PPP3CC: variants seen among roughly 807,000 people sequenced by gnomAD.
The protein encoded by PPP3CC is protein phosphatase 3 catalytic subunit gamma, also known as serine/threonine-protein phosphatase 2B catalytic subunit gamma isoform.
Under a neutral mutation model 60.3 loss-of-function variants are expected in PPP3CC, and 35 were observed. That is an observed-to-expected ratio of 0.58 (90% CI 0.44 to 0.77). The LOEUF (loss-of-function observed/expected upper bound fraction) is 0.77, where lower values mean the gene tolerates loss of function less well. Ranked by LOEUF, PPP3CC falls within the 30% of genes least tolerant of loss-of-function variation. The pLI is 0.00. For missense variants in PPP3CC, 570 were observed against 628.9 expected (o/e 0.91, Z 1.00); for synonymous variants, 206 against 224.3 (o/e 0.92, Z 0.73).
At chr8:22,528,747 C>T (rs550573081) in intron 10 of PPP3CC, among the ~76,000 whole-genome samples, 170 bp downstream of exon 10, 1 of 152,220 alleles carries the variant, frequency 6.6e-6, no homozygotes, top group South Asian at 2.1e-4. Context: ...AAAAAAGTCA[C>T]CCATAATCCC....
chr8:22,460,272 A>C (rs1032372325), intron 1 of PPP3CC, among the ~76,000 whole-genome samples: 1 of 152,202 alleles, frequency 6.6e-6, no homozygotes, highest in Non-Finnish European at 1.5e-5. Context: ...CAGAATGTTT[A>C]CAATCAATAC....
chr8:22,508,603 T>C (rs1838994449), intron 4 of PPP3CC, among the ~76,000 whole-genome samples: 1 of 152,226 alleles, frequency 6.6e-6, no homozygotes, highest in Admixed American at 6.5e-5. Context: ...TTTTGAGTCA[T>C]TCTTGGGATT....
chr8:22,509,756 C>CA lies in PPP3CC; in HGVS notation c.485-1329dup, dbSNP rs138786060. Among the ~76,000 whole-genome samples, 330 of 152,274 alleles carry CA rather than the reference C, an allele frequency of 2.2e-3. 2 individuals are homozygous for CA. Among genetic ancestry groups the CA allele is most frequent in the African/African-American group, 7.8e-3 (323 of 41,550 alleles). On this transcript the variant is annotated intron_variant, in intron 4 of 13. Coordinates refer to ENST00000240139, the MANE Select transcript of PPP3CC (RefSeq NM_005605.5). The stretch of plus-strand genomic sequence containing the variant: ...TCACTCTGTTGCTCAGGCTGGAGTG[C>CA]AGTGACACTATCGTAGTTCACTGCA...
At chr8:22,481,100 G>A (rs1446453875) in intron 3 of PPP3CC, among the ~76,000 whole-genome samples, 4 of 152,076 alleles carry the variant, frequency 2.6e-5, no homozygotes, top group African/African-American at 9.7e-5. Flanking sequence ...TGGGGAGGCC[G>A]AGGCAGGTGG....
chr8:22,470,716 G>C (rs1837696375), intron 1 of PPP3CC, among the ~76,000 whole-genome samples: 1 of 152,212 alleles, frequency 6.6e-6, no homozygotes, highest in Admixed American at 6.5e-5. Context: ...AGAGATACCG[G>C]TAGACGTTCA....
chr8:22,524,718 C>T (rs1292067214), intron 8 of PPP3CC, among the ~76,000 whole-genome samples: 1 of 152,140 alleles, frequency 6.6e-6, no homozygotes, highest in African/African-American at 2.4e-5. Flanking sequence ...ATTGATTGCT[C>T]AATGGATTTA....
At chr8:22,494,856 T>G (rs1025370842) in intron 3 of PPP3CC, among the ~76,000 whole-genome samples, 18 of 152,232 alleles carry the variant, frequency 1.2e-4, no homozygotes, top group African/African-American at 4.3e-4. Flanking sequence ...TTCCTGCATT[T>G]TTTATGTACA....
intron 1 of PPP3CC, among the ~76,000 whole-genome samples, chr8:22,465,013 A>G (rs931904038): frequency 2.0e-5 from 3 of 147,404 alleles, no homozygotes; most frequent in African/African-American, 7.6e-5. Context: ...GCTGGAATGC[A>G]GTGGTGCTAT....
intron 6 of PPP3CC, among the ~76,000 whole-genome samples, chr8:22,519,144 C>T (rs1839336846): frequency 6.6e-6 from 1 of 152,176 alleles, no homozygotes; most frequent in Non-Finnish European, 1.5e-5. Flanking sequence ...TTTGTTCCCT[C>T]TTGTGATGAT....
chr8:22,533,118 G>C (rs1438616837), intron 12 of PPP3CC, 100 bp downstream of exon 12: 2 of 853,408 alleles, frequency 2.3e-6, no homozygotes, highest in Non-Finnish European at 3.4e-6. Context: ...TGCCACGAGA[G>C]CAGTTGGTTA....
chr8:22,474,929 A>AATT (rs750932634), intron 1 of PPP3CC, 25 bp from the exon 2 acceptor site: 2 of 1,358,736 alleles, frequency 1.5e-6, no homozygotes, highest in Non-Finnish European at 2.0e-6. Flanking sequence ...AAATATTTTA[A>AATT]ATTATTATTA....
intron 12 of PPP3CC, 37 bp downstream of exon 12, chr8:22,533,055 C>T (rs767069099): frequency 6.9e-7 from 1 of 1,441,502 alleles, no homozygotes; most frequent in East Asian, 2.5e-5. Flanking sequence ...AAGGTGTGCT[C>T]CCGTTACCTA....
At chr8:22,510,996 TA>T in intron 4 of PPP3CC, 89 bp from the exon 5 acceptor site, 1 of 1,358,202 alleles carries the variant, frequency 7.4e-7, no homozygotes, top group Non-Finnish European at 1.0e-6. Flanking sequence ...TAAATGGCTC[TA>T]AAGTAGCTTC....
At chr8:22,485,590 G>A (rs1322182484) in intron 3 of PPP3CC, among the ~76,000 whole-genome samples, 2 of 152,222 alleles carry the variant, frequency 1.3e-5, no homozygotes, top group Admixed American at 1.3e-4. Context: ...GAGGTCCCCA[G>A]TGTGGCTACC....
intron 3 of PPP3CC, among the ~76,000 whole-genome samples, chr8:22,478,425 C>T (rs778150746): frequency 6.6e-6 from 1 of 152,180 alleles, no homozygotes; most frequent in Non-Finnish European, 1.5e-5. Context: ...GTTGGGATTA[C>T]AGGCATGAGC....
At chr8:22,510,160 G>A (rs1009603783) in intron 4 of PPP3CC, among the ~76,000 whole-genome samples, 6 of 149,428 alleles carry the variant, frequency 4.0e-5, no homozygotes, top group Admixed American at 1.3e-4. Flanking sequence ...TCCAGCCTGG[G>A]GGACAGAGCA....
chr8:22,448,413 C>T (rs1479769996), intron 1 of PPP3CC, among the ~76,000 whole-genome samples: 1 of 140,884 alleles, frequency 7.1e-6, no homozygotes, highest in Non-Finnish European at 1.5e-5. Context: ...GAGTTTCGCT[C>T]TTGTTGCCCA....
chr8:22,523,900 T>C (rs967302330), intron 8 of PPP3CC, among the ~76,000 whole-genome samples: 2 of 152,162 alleles, frequency 1.3e-5, no homozygotes, highest in Non-Finnish European at 2.9e-5. Context: ...TTTTGAGTAA[T>C]GGCAGCATCT....
At chr8:22,499,114 G>GT in intron 4 of PPP3CC, among the ~76,000 whole-genome samples, 1 of 146,458 alleles carries the variant, frequency 6.8e-6, no homozygotes, top group East Asian at 2.0e-4. Context: ...GCGAGACTCC[G>GT]ACTCAAAAAA....
Sources: allele counts gnomAD v4.1 joint callset (sites outside exome capture counted in the v4.1 genomes callset), GRCh38; gene constraint gnomAD v4.1.1; transcripts MANE v1.5; gene names NCBI Gene and HGNC (gene_info 2026-07-23, HGNC 2026-07-21).